The following NAIP variants were observed in gnomAD, a reference collection of about 807,000 sequenced individuals.
NAIP encodes the protein NLR family apoptosis inhibitory protein.
A neutral mutation model predicts 23.0 loss-of-function variants in NAIP; 15 were observed. The ratio of observed to expected loss-of-function variants is 0.65; its 90% CI spans 0.44 to 1.00. The LOEUF (loss-of-function observed/expected upper bound fraction) is 1.00, where lower values mean the gene tolerates loss of function less well. Among genes scored for constraint, NAIP ranks in the 50% least tolerant of loss-of-function variants. The pLI is 0.00. For synonymous variants in NAIP, 100 were observed against 100.2 expected (o/e 1.00, Z 0.01); for missense variants, 265 against 278.8 (o/e 0.95, Z 0.35).
At position 71,012,880 on chromosome 5, in the gene NAIP, G is replaced by A. The variant is rs1211044346; in HGVS notation, c.36C>T (p.Ile12=). 3.1e-6 allele frequency: 5 copies of A among 1,607,724 alleles called. No homozygotes were observed. The highest frequency in any genetic ancestry group is 4.2e-6 in the Non-Finnish European group (5 of 1,176,896). ...ATQQKASDER[I]SQFDHNLLPE... is the part of the protein sequence containing the mutation. ...GCAGCAAATTGTGATCAAACTGGGA[G>A]ATCCTCTCGTCAGAGGCTTTCTGCT... Residue 12 remains isoleucine (I), a synonymous_variant, in exon 4 of 17, where the codon ATC becomes ATT. Coordinates refer to ENST00000517649, the MANE Select transcript of NAIP (RefSeq NM_004536.3).
chr5:71,012,442 T>G lies in NAIP; in HGVS notation c.474A>C (p.Glu158Asp). Residue 158 changes from glutamate to aspartate, a missense_variant, in exon 4 of 17, where the codon GAA becomes GAC. Physicochemically the swap from Glu to Asp is conservative, Grantham distance 45. Transcript: ENST00000517649. ...RLRGGKMRYQ[E>D]EEARLASFRN... ...TGAAGGACGCAAGTCTAGCCTCCTC[T>G]TCTTGGTACCTCATTTTACCTCCTC... 6.2e-7 allele frequency: 1 copy of G among 1,611,632 alleles called. No individual in the cohort carries two copies. The highest frequency in any genetic ancestry group is 8.5e-7 in the Non-Finnish European group (1 of 1,178,308).
At chr5:71,009,762 A>G (rs767894284) in intron 5 of NAIP, among the ~76,000 whole-genome samples, 6 of 151,570 alleles carry the variant, frequency 4.0e-5, no homozygotes, top group Non-Finnish European at 5.9e-5. Context: ...TGATTTGGCT[A>G]TGTGTTGACA....
intron 3 of NAIP, among the ~76,000 whole-genome samples, chr5:71,013,704 C>G (rs1320134566): frequency 6.6e-6 from 1 of 150,574 alleles, no homozygotes; most frequent in Admixed American, 6.6e-5. Context: ...AGGACATATA[C>G]CTGCCAGAAG....
chr5:71,014,943 A>T (rs1214456051), intron 3 of NAIP, among the ~76,000 whole-genome samples: 2 of 151,674 alleles, frequency 1.3e-5, no homozygotes, highest in Non-Finnish European at 2.9e-5. Flanking sequence ...CAGTGCAATC[A>T]AATCTAAGTT....
In NAIP at chr5:70,996,756, A is replaced by G. The variant is rs1349417373; in HGVS notation, c.1022+1968T>C. ...TTGCAGTGAGTGAGATCACGCCATT[A>G]CACTCCAGCCTGGGCGACAAAGTGA... On this transcript the variant is annotated intron_variant, in intron 9 of 16. Transcript: ENST00000517649. 2.7e-3 allele frequency among the ~76,000 whole-genome samples: 361 copies of G among 136,012 alleles called. 2 individuals are homozygous for G. Among genetic ancestry groups the G allele is most frequent in the Middle Eastern group, 0.016 (4 of 252 alleles). 89.2% of individuals were successfully genotyped at this position (136,012 alleles called of 152,430 possible).
At chr5:71,011,223 A>G in intron 5 of NAIP, 52 bp downstream of exon 5, 3 of 1,406,856 alleles carry the variant, frequency 2.1e-6, no homozygotes, top group Middle Eastern at 1.9e-4. Context: ...GCAGAGCAAG[A>G]CTGTCTCAAA....
intron 5 of NAIP, 60 bp downstream of exon 5, chr5:71,011,215 A>C (rs1196086931): frequency 7.6e-7 from 1 of 1,313,116 alleles, no homozygotes; most frequent in African/African-American, 1.5e-5. Flanking sequence ...CCTGGGTGGC[A>C]GAGCAAGACT....
chr5:71,013,241 T>TTTA (rs1412175021), intron 3 of NAIP, among the ~76,000 whole-genome samples: 6 of 151,392 alleles, frequency 4.0e-5, no homozygotes, highest in Non-Finnish European at 8.9e-5. Flanking sequence ...ATACTGAACA[T>TTTA]TTATATTAAA....
intron 3 of NAIP, 114 bp from the exon 4 acceptor site, chr5:71,013,032 C>G: frequency 2.0e-6 from 2 of 984,716 alleles, no homozygotes; most frequent in Non-Finnish European, 2.9e-6. Flanking sequence ...AATTTCAACA[C>G]AAAAGATAAA....
chr5:71,007,643 A>ACTG lies in NAIP; in HGVS notation c.668+3629_668+3631dup, dbSNP rs560838077. ...GTTTTAAACATTTTCAAAGTCTCAC[A>ACTG]CTGCACTTATTGTGCATATTGCTTT... On this transcript the variant is annotated intron_variant, in intron 5 of 16. Coordinates refer to ENST00000517649, the MANE Select transcript of NAIP (RefSeq NM_004536.3). Among the ~76,000 whole-genome samples, 488 of 148,584 alleles carry ACTG rather than the reference A, an allele frequency of 3.3e-3. 12 individuals carry two copies. The highest frequency in any genetic ancestry group is 0.011 in the African/African-American group (462 of 40,358).
chr5:71,000,448 C>T (rs1316087817), intron 8 of NAIP, among the ~76,000 whole-genome samples: 1 of 119,102 alleles, frequency 8.4e-6, no homozygotes, highest in Non-Finnish European at 1.6e-5. Flanking sequence ...CAATATTTAG[C>T]TGGGCACATT....
intron 3 of NAIP, among the ~76,000 whole-genome samples, chr5:71,014,103 C>CA (rs1435341027): frequency 7.1e-6 from 1 of 139,864 alleles, no homozygotes; most frequent in Non-Finnish European, 1.6e-5. Context: ...GTAATTCCTC[C>CA]TTTTTTTTTT....
intron 5 of NAIP, among the ~76,000 whole-genome samples, chr5:71,006,869 AC>A (rs1750899439): frequency 2.9e-5 from 1 of 35,068 alleles, no homozygotes. Context: ...CCTCTGCACT[AC>A]CCCCTGCCCT....
chr5:71,000,543 A>G (rs912459402), intron 8 of NAIP, among the ~76,000 whole-genome samples: 2 of 121,034 alleles, frequency 1.7e-5, no homozygotes, highest in Non-Finnish European at 3.2e-5. Flanking sequence ...AATAATAATA[A>G]TAATTATTAT....
rs1345242461 is a variant in NAIP at position 71,012,591 on chromosome 5, G to A, written c.325C>T (p.Leu109Phe). The change falls in exon 4 of 17, where the codon CTC (leucine) becomes TTC (phenylalanine). Residue 109 changes from leucine (L) to phenylalanine (F), a missense_variant. By Grantham distance (22) the Leu-to-Phe change is conservative. Coordinates refer to ENST00000517649, the MANE Select transcript of NAIP (RefSeq NM_004536.3). ...CCSLILFGAG[L>F]TRLPIEDHKR... ...TGGTCTTCTATGGGGAGTCTCGTGA[G>A]GCCGGCACCAAAGAGGATTAGGCTA... The A allele has an allele frequency of 6.2e-7, 1 of 1,611,898 alleles. No individual in the cohort carries two copies. Among genetic ancestry groups the A allele is most frequent in the South Asian group, 1.1e-5 (1 of 90,976 alleles).
chr5:71,014,300 G>A (rs1418935857), intron 3 of NAIP, among the ~76,000 whole-genome samples: 10 of 151,398 alleles, frequency 6.6e-5, no homozygotes, highest in Admixed American at 4.0e-4. Flanking sequence ...GTTTTGCCAT[G>A]TTGGCCAGCT....
intron 13 of NAIP, among the ~76,000 whole-genome samples, chr5:70,979,589 ATAAT>A (rs1218618522): frequency 0.011 from 416 of 37,150 alleles, 43 homozygotes; most frequent in South Asian, 0.027. Flanking sequence ...AAAAAAAATA[ATAAT>A]AATAATAATA....
intron 5 of NAIP, among the ~76,000 whole-genome samples, chr5:71,008,820 G>A (rs28439829): frequency 0.72 from 72,288 of 100,500 alleles, 27,259 homozygotes; most frequent in East Asian, 0.86. Flanking sequence ...AAAAAAAAAA[G>A]AAAGAAAGAA....
At chr5:71,016,017 A>T (rs1751427832) in intron 3 of NAIP, among the ~76,000 whole-genome samples, 1 of 142,936 alleles carries the variant, frequency 7.0e-6, no homozygotes, top group African/African-American at 2.5e-5. Flanking sequence ...GCGGTGACTC[A>T]TACCTATAAC....
Sources: gnomAD v4.1 joint callset for allele counts (sites outside exome capture counted in the v4.1 genomes callset) on GRCh38, gnomAD v4.1.1 for gene constraint, MANE v1.5 for transcripts, NCBI Gene and HGNC (gene_info 2026-07-23, HGNC 2026-07-21) for gene names.